PLD1: variants seen among roughly 807,000 people sequenced by gnomAD.
The protein encoded by PLD1 is phospholipase D1, also known as choline phosphatase 1.
Under a neutral mutation model 137.1 loss-of-function variants are expected in PLD1, and 112 were observed. The observed-to-expected ratio is 0.82, with a 90% CI of 0.70 to 0.96. PLD1 has a LOEUF of 0.96. Among genes scored for constraint, PLD1 ranks in the 40% least tolerant of loss-of-function variants. PLD1 has a pLI of 0.00. For synonymous variants in PLD1, 431 were observed against 454.7 expected (o/e 0.95, Z 0.66); for missense variants, 1,321 against 1,342.0 (o/e 0.98, Z 0.24).
At chr3:171,703,986 GCACAGTAAATAAAAA>G (rs1395844132) in intron 11 of PLD1, among the ~76,000 whole-genome samples, 1 of 152,202 alleles carries the variant, frequency 6.6e-6, no homozygotes, top group Non-Finnish European at 1.5e-5. Flanking sequence ...ACATTGCAGA[GCACAGTAAATAAAAA>G]CCCATCTTTC....
chr3:171,628,541 G>A (rs1057499941), intron 23 of PLD1, among the ~76,000 whole-genome samples: 7 of 151,966 alleles, frequency 4.6e-5, no homozygotes, highest in Middle Eastern at 3.4e-3. Flanking sequence ...TACCAAAGCC[G>A]GGCAGAGACA....
At chr3:171,657,814 C>T (rs1454027462) in intron 21 of PLD1, among the ~76,000 whole-genome samples, 2 of 151,924 alleles carry the variant, frequency 1.3e-5, no homozygotes, top group African/African-American at 4.8e-5. Context: ...GATAAGTTAG[C>T]TTTTATCAAA....
chr3:171,657,628 A>G (rs1383055583), intron 21 of PLD1, among the ~76,000 whole-genome samples: 1 of 152,192 alleles, frequency 6.6e-6, no homozygotes, highest in Non-Finnish European at 1.5e-5. Flanking sequence ...AACTCACCCC[A>G]TATATAAAAA....
Position 171,784,387 on chromosome 3 carries a change from C to T in PLD1, c.-32+26012G>A, listed in dbSNP as rs559561082. Among the ~76,000 whole-genome samples, 3 of 149,612 alleles carry T rather than the reference C, an allele frequency of 2.0e-5. No homozygotes were observed. In the East Asian group the frequency reaches 5.8e-4, roughly 29 times the overall value. ...CTCAGAAGGAAAAAAAAAAAAAAGA[C>T]AGTAGCACGTGTTCAGGCATTCAGA... On this transcript the variant is annotated intron_variant, in intron 1 of 26. Coordinates refer to ENST00000351298, the MANE Select transcript of PLD1 (RefSeq NM_002662.5).
chr3:171,620,775 ATATTTTT>A (rs1560151237), intron 23 of PLD1, among the ~76,000 whole-genome samples: 125 of 136,882 alleles, frequency 9.1e-4, no homozygotes, highest in African/African-American at 3.4e-3. Context: ...TATATTATAT[ATATTTTT>A]TTTTTAATTG....
chr3:171,681,883 C>G (rs1302293017), intron 16 of PLD1, among the ~76,000 whole-genome samples: 2 of 152,172 alleles, frequency 1.3e-5, no homozygotes, highest in East Asian at 3.9e-4. Context: ...ATTTGAAAAG[C>G]CTGTCTCAAC....
rs543524833 is a variant in PLD1 at position 171,757,436 on chromosome 3, C to T, written c.-31-19354G>A. Among the ~76,000 whole-genome samples the T allele has an allele frequency of 6.6e-5, 10 of 152,180 alleles. No homozygotes were observed. The East Asian group carries it at 1.9e-3, about 29-fold the overall frequency. ...CAAAAAAATGTAGAAAAGATGGACA[C>T]AAAGCAGGAATACCCAGCTCCTCAA... On this transcript the variant is annotated intron_variant, in intron 1 of 26. Coordinates refer to ENST00000351298, the MANE Select transcript of PLD1 (RefSeq NM_002662.5).
intron 1 of PLD1, among the ~76,000 whole-genome samples, chr3:171,790,236 C>T (rs534791981): frequency 6.6e-6 from 1 of 152,222 alleles, no homozygotes; most frequent in East Asian, 1.9e-4. Context: ...CCAGCCTGCT[C>T]ATGGTCTACC....
chr3:171,697,947 A>G (rs1715901877), intron 12 of PLD1, among the ~76,000 whole-genome samples: 1 of 152,244 alleles, frequency 6.6e-6, no homozygotes, highest in African/African-American at 2.4e-5. Context: ...AACATTCAAT[A>G]AATACATATT....
chr3:171,761,496 A>G (rs1721389029), intron 1 of PLD1, among the ~76,000 whole-genome samples: 1 of 152,082 alleles, frequency 6.6e-6, no homozygotes, highest in Non-Finnish European at 1.5e-5. Context: ...CCTCCACCAG[A>G]GCAAAACCAG....
intron 21 of PLD1, among the ~76,000 whole-genome samples, chr3:171,648,884 G>A (rs928567079): frequency 6.6e-6 from 1 of 152,140 alleles, no homozygotes; most frequent in Non-Finnish European, 1.5e-5. Flanking sequence ...GAACAGGGAG[G>A]TAATATTCTA....
chr3:171,744,566 C>A (rs555721146), intron 1 of PLD1, among the ~76,000 whole-genome samples: 8 of 152,192 alleles, frequency 5.3e-5, no homozygotes, highest in African/African-American at 1.4e-4. Flanking sequence ...CTAATGCTGA[C>A]GCTGCTTTTA....
intron 19 of PLD1, among the ~76,000 whole-genome samples, chr3:171,666,090 T>C (rs1326811937): frequency 3.3e-5 from 5 of 152,226 alleles, no homozygotes; most frequent in Non-Finnish European, 5.9e-5. Flanking sequence ...CAGGGAACCC[T>C]GAGGTTATAT....
At chr3:171,697,377 TG>T (rs1326944284) in intron 12 of PLD1, among the ~76,000 whole-genome samples, 1 of 151,610 alleles carries the variant, frequency 6.6e-6, no homozygotes, top group Non-Finnish European at 1.5e-5. Context: ...CCCGGGTAGC[TG>T]GGACTATAGG....
chr3:171,732,453 G>C (rs1719016596), intron 6 of PLD1, among the ~76,000 whole-genome samples: 1 of 152,194 alleles, frequency 6.6e-6, no homozygotes, highest in Non-Finnish European at 1.5e-5. Context: ...TAATGGGACA[G>C]CTGGATGTAT....
rs74324223 is a variant in PLD1 at position 171,735,861 on chromosome 3, G to A, written c.289-224C>T. On this transcript the variant is annotated intron_variant, in intron 3 of 26. Transcript: ENST00000351298. Reference sequence around the variant, plus strand: ...ACATAAGACAAACTTTCAATCACACGAGACGATTCCTACAAACGCTGTTCC... The same window carrying A: ...ACATAAGACAAACTTTCAATCACACAAGACGATTCCTACAAACGCTGTTCC... 0.032 allele frequency among the ~76,000 whole-genome samples: 4,884 copies of A among 152,160 alleles called. 112 individuals are homozygous for A. Among genetic ancestry groups the A allele is most frequent in the Non-Finnish European group, 0.054 (3,645 of 68,004 alleles).
intron 7 of PLD1, 155 bp downstream of exon 7, chr3:171,725,863 T>C: frequency 1.6e-6 from 1 of 620,318 alleles, no homozygotes; most frequent in Non-Finnish European, 2.9e-6. Flanking sequence ...ATGCTCTGAT[T>C]TGTATGAATA....
intron 6 of PLD1, among the ~76,000 whole-genome samples, chr3:171,729,023 A>G (rs1226891255): frequency 6.6e-6 from 1 of 152,216 alleles, no homozygotes; most frequent in African/African-American, 2.4e-5. Context: ...AAACCTAACT[A>G]ATAAAAATTG....
rs540412157 is a variant in PLD1, at chr3:171,785,729, G to T, written c.-32+24670C>A. Among the ~76,000 whole-genome samples, 25 of 152,204 alleles carry T rather than the reference G, an allele frequency of 1.6e-4. No individual in the cohort carries two copies. The South Asian group carries it at 5.2e-3, about 32-fold the overall frequency. On this transcript the variant is annotated intron_variant, in intron 1 of 26. Transcript: ENST00000351298. ...TGGGATTATAGGCGTGAGCCACCAC[G>T]CCCAGCCTCCAGTGTCTATTTTACA... is the stretch of plus-strand genomic sequence containing the variant.
Sources: gnomAD v4.1 joint callset for allele counts (sites outside exome capture counted in the v4.1 genomes callset) on GRCh38, gnomAD v4.1.1 for gene constraint, MANE v1.5 for transcripts, NCBI Gene and HGNC (gene_info 2026-07-23, HGNC 2026-07-21) for gene names.